The following NREP variants were observed in gnomAD, a reference collection of about 807,000 sequenced individuals.
NREP encodes neuronal regeneration related protein.
Under a neutral mutation model 8.6 loss-of-function variants are expected in NREP, and 5 were observed. The ratio of observed to expected loss-of-function variants is 0.58; its 90% confidence interval spans 0.30 to 1.22. The LOEUF (loss-of-function observed/expected upper bound fraction) is 1.22. NREP is among the 50% of genes most tolerant of loss of function. NREP has a pLI of 0.07. For synonymous variants in NREP, 27 were observed against 28.0 expected (o/e 0.96, Z 0.11); for missense variants, 86 against 82.5 (o/e 1.04, Z -0.17).
At chr5:111,973,443 G>T (rs1474242198) in intron 2 of NREP, among the ~76,000 whole-genome samples, 1 of 152,162 alleles carries the variant, frequency 6.6e-6, no homozygotes, top group Non-Finnish European at 1.5e-5. Context: ...ACAGATGCCA[G>T]TCATTTGAGT....
chr5:111,820,832 G>A (rs1752499356), intron 2 of NREP, among the ~76,000 whole-genome samples: 1 of 141,000 alleles, frequency 7.1e-6, no homozygotes, highest in Admixed American at 6.8e-5. Flanking sequence ...ATTGATAGAA[G>A]ATAAGGAAAG....
At chr5:111,857,339 TATAGAC>T (rs1753448018) in intron 2 of NREP, among the ~76,000 whole-genome samples, 1 of 152,184 alleles carries the variant, frequency 6.6e-6, no homozygotes, top group Non-Finnish European at 1.5e-5. Flanking sequence ...GTGTGCTTGT[TATAGAC>T]AGGAGAGCAG....
chr5:111,821,580 T>C (rs1475480655), intron 2 of NREP, among the ~76,000 whole-genome samples: 1 of 152,192 alleles, frequency 6.6e-6, no homozygotes, highest in African/African-American at 2.4e-5. Flanking sequence ...ATCAAAGAAA[T>C]TTCTTGACCA....
chr5:111,736,232 A>G (rs547548615), intron 2 of NREP, among the ~76,000 whole-genome samples: 1 of 152,302 alleles, frequency 6.6e-6, no homozygotes, highest in East Asian at 1.9e-4. Flanking sequence ...AATTACAACT[A>G]AGATTTGGGT....
At chr5:111,916,571 G>A (rs750057857) in intron 2 of NREP, among the ~76,000 whole-genome samples, 29 of 152,236 alleles carry the variant, frequency 1.9e-4, no homozygotes, top group Middle Eastern at 3.4e-3. Flanking sequence ...GGGCCTTTGC[G>A]TGGTGACTAA....
At chr5:111,837,182 C>G (rs1210347013) in intron 2 of NREP, among the ~76,000 whole-genome samples, 1 of 151,934 alleles carries the variant, frequency 6.6e-6, no homozygotes, top group Non-Finnish European at 1.5e-5. Flanking sequence ...AACAGAAGAT[C>G]CTAGTTTCTA....
At chr5:111,734,859 T>A in intron 3 of NREP, 1 of 464,438 alleles carries the variant, frequency 2.2e-6, no homozygotes, top group South Asian at 4.5e-5. Flanking sequence ...AAGTAGTTGT[T>A]ATTGTTTGTT....
intron 2 of NREP, among the ~76,000 whole-genome samples, chr5:111,893,363 C>T (rs572109647): frequency 6.6e-6 from 1 of 151,994 alleles, no homozygotes; most frequent in African/African-American, 2.4e-5. Flanking sequence ...AGAAATAGTG[C>T]AGTTATTTCA....
intron 2 of NREP, among the ~76,000 whole-genome samples, chr5:111,834,023 T>G (rs902583398): frequency 6.6e-6 from 1 of 152,140 alleles, no homozygotes; most frequent in African/African-American, 2.4e-5. Context: ...TTCCCTAAGC[T>G]CAGGCTCCTC....
intron 2 of NREP, among the ~76,000 whole-genome samples, chr5:111,821,363 C>CT (rs1427633715): frequency 6.7e-6 from 1 of 148,992 alleles, no homozygotes; most frequent in African/African-American, 2.4e-5. Context: ...TCATTCCCTT[C>CT]TTTAAAAAAA....
intron 2 of NREP, among the ~76,000 whole-genome samples, chr5:111,870,809 A>G (rs1753771455): frequency 6.6e-6 from 1 of 152,306 alleles, no homozygotes; most frequent in Non-Finnish European, 1.5e-5. Context: ...ACTGTCAAGG[A>G]TTGAAGGCCA....
At chr5:111,964,325 C>CAT (rs1431771572) in intron 2 of NREP, among the ~76,000 whole-genome samples, 1 of 152,072 alleles carries the variant, frequency 6.6e-6, no homozygotes, top group Non-Finnish European at 1.5e-5. Context: ...CCACATATTT[C>CAT]ATATATGTAA....
At chr5:111,847,539 T>G (rs545560841) in intron 2 of NREP, among the ~76,000 whole-genome samples, 12 of 152,306 alleles carry the variant, frequency 7.9e-5, no homozygotes, top group Middle Eastern at 3.4e-3. Flanking sequence ...ATTATCTCCA[T>G]GCAATCATAG....
intron 2 of NREP, among the ~76,000 whole-genome samples, chr5:111,754,388 A>G (rs912394394): frequency 1.3e-5 from 2 of 152,206 alleles, no homozygotes; most frequent in Admixed American, 6.5e-5. Flanking sequence ...GTCACCTGAC[A>G]TATTGCAACA....
At chr5:111,849,274 G>A (rs564372552) in intron 2 of NREP, among the ~76,000 whole-genome samples, 3 of 152,168 alleles carry the variant, frequency 2.0e-5, no homozygotes, top group Admixed American at 6.6e-5. Flanking sequence ...GAGGGAACAG[G>A]GGATGCAAAT....
intron 2 of NREP, among the ~76,000 whole-genome samples, chr5:111,953,105 C>A (rs1202859966): frequency 6.6e-6 from 1 of 152,116 alleles, no homozygotes; most frequent in Non-Finnish European, 1.5e-5. Context: ...AAGTAGCCCT[C>A]TTCTTCAACT....
chr5:111,828,901 G>C (rs547303827), intron 2 of NREP, among the ~76,000 whole-genome samples: 1 of 152,164 alleles, frequency 6.6e-6, no homozygotes, highest in Non-Finnish European at 1.5e-5. Flanking sequence ...GGACAGCACA[G>C]ATAATAGGCA....
At position 111,826,549 on chromosome 5, in the gene NREP, A is replaced by G. The variant is rs577366339; in HGVS notation, c.136-91042T>C. 1.7e-4 allele frequency among the ~76,000 whole-genome samples: 26 copies of G among 152,348 alleles called. No individual in the cohort carries two copies. The East Asian group carries it at 5.0e-3, about 29-fold the overall frequency. ...GACGCATCTGAACATCTGAAGGAAC[A>G]AACTCAGGACACACCATCTTTAAGA... On this transcript the variant is annotated intron_variant, in intron 2 of 3. Coordinates refer to the NREP transcript ENST00000395634.
In NREP at chr5:111,884,945, A is replaced by G. The variant is rs142896165; in HGVS notation, c.135+90329T>C. On this transcript the variant is annotated intron_variant, in intron 2 of 3. Transcript: ENST00000395634. ...AGGGATGCCCTCCCTTGCCACTCCTATTCAACCTAGTGTTGGAAGTTCTAG... is the reference window on the plus strand; with the variant it reads ...AGGGATGCCCTCCCTTGCCACTCCTGTTCAACCTAGTGTTGGAAGTTCTAG... 6.4e-3 allele frequency among the ~76,000 whole-genome samples: 979 copies of G among 152,306 alleles called. 15 individuals are homozygous for G. The highest frequency in any genetic ancestry group is 0.022 in the African/African-American group (924 of 41,558).
Sources: allele counts gnomAD v4.1 joint callset (sites outside exome capture counted in the v4.1 genomes callset), GRCh38; gene constraint gnomAD v4.1.1; transcripts MANE v1.5; gene names NCBI Gene and HGNC (gene_info 2026-07-23, HGNC 2026-07-21).